Variants in NOTCH2NLB observed in about 807,000 individuals in gnomAD.
NOTCH2NLB encodes the protein notch 2 N-terminal like B.
In NOTCH2NLB, 1 loss-of-function variant was observed where a neutral mutation model predicts 14.8. That is an observed-to-expected ratio of 0.07 (90% CI 0.02 to 0.32). The LOEUF (loss-of-function observed/expected upper bound fraction) is 0.32, where lower values mean the gene tolerates loss of function less well. NOTCH2NLB is among the 10% of genes least tolerant of loss of function. NOTCH2NLB has a pLI of 1.00. For missense variants in NOTCH2NLB, 11 were observed against 155.0 expected (o/e 0.07, Z 4.93); for synonymous variants, 6 against 57.5 (o/e 0.10, Z 4.05).
chr1:148,602,532 GAAATA>G (rs1414838167), downstream of NOTCH2NLB, among the ~76,000 whole-genome samples: 19 of 147,878 alleles, frequency 1.3e-4, no homozygotes, highest in Non-Finnish European at 2.3e-4. Context: ...AGAAGTCACA[GAAATA>G]AATAGGAGGA....
chr1:148,623,896 C>T (rs1314819080), intron 2 of NOTCH2NLB, among the ~76,000 whole-genome samples: 2 of 79,702 alleles, frequency 2.5e-5, no homozygotes, highest in Admixed American at 2.2e-4. Flanking sequence ...CCACAAAATC[C>T]ATCTCTACTC....
chr1:148,700,884 C>T, the NOTCH2NLB span, among the ~76,000 whole-genome samples: 2 of 55,622 alleles, frequency 3.6e-5, no homozygotes, highest in African/African-American at 1.3e-4. Flanking sequence ...AATTAGATCC[C>T]ATTTGTCAAT....
chr1:148,673,880 C>CTA (rs1379290101), intron 1 of NOTCH2NLB, among the ~76,000 whole-genome samples: 1 of 100,138 alleles, frequency 1.0e-5, no homozygotes, highest in African/African-American at 3.3e-5. Context: ...AATCACCTGG[C>CTA]TATTTCTTGA....
the NOTCH2NLB span, among the ~76,000 whole-genome samples, chr1:148,691,907 G>A: frequency 7.0e-4 from 63 of 90,070 alleles, 12 homozygotes; most frequent in African/African-American, 3.0e-3. Flanking sequence ...TTGCCTTCCA[G>A]CATGAATGTA....
At chr1:148,670,555 T>TATATATAC (rs1664753943) in intron 1 of NOTCH2NLB, among the ~76,000 whole-genome samples, 2 of 127,146 alleles carry the variant, frequency 1.6e-5, no homozygotes, top group African/African-American at 5.8e-5. Flanking sequence ...TATATATACA[T>TATATATAC]ATATATATAT....
chr1:148,693,136 C>G, the NOTCH2NLB span, among the ~76,000 whole-genome samples: 1 of 131,796 alleles, frequency 7.6e-6, no homozygotes, highest in East Asian at 2.5e-4. Flanking sequence ...CTTCCTTAGT[C>G]TTACCCCTGC....
chr1:148,601,345 A>C, the NOTCH2NLB span, among the ~76,000 whole-genome samples: 2 of 148,222 alleles, frequency 1.3e-5, no homozygotes, highest in East Asian at 4.2e-4. Flanking sequence ...AGTAGGGGAA[A>C]GGCTATATGA....
chr1:148,670,571 T>A (rs1664755921), intron 1 of NOTCH2NLB, among the ~76,000 whole-genome samples: 2 of 138,470 alleles, frequency 1.4e-5, no homozygotes, highest in South Asian at 4.7e-4. Context: ...TATATATATA[T>A]ATATATAAAT....
downstream of NOTCH2NLB, among the ~76,000 whole-genome samples, chr1:148,604,908 C>G (rs1317945133): frequency 3.6e-5 from 5 of 139,256 alleles, no homozygotes; most frequent in African/African-American, 1.4e-4. Flanking sequence ...AAAGCAAGAA[C>G]TAGTCTATGT....
At chr1:148,632,960 T>C (rs1398453264) in intron 2 of NOTCH2NLB, among the ~76,000 whole-genome samples, 2 of 119,986 alleles carry the variant, frequency 1.7e-5, no homozygotes, top group Admixed American at 7.8e-5. Context: ...TTCTCAGAAA[T>C]GCAGTATTCA....
At chr1:148,621,574 A>G (rs1350788904) in intron 2 of NOTCH2NLB, among the ~76,000 whole-genome samples, 7 of 127,218 alleles carry the variant, frequency 5.5e-5, no homozygotes, top group Non-Finnish European at 9.8e-5. Context: ...TGGAAATACT[A>G]AAGTCTACTA....
intron 1 of NOTCH2NLB, among the ~76,000 whole-genome samples, chr1:148,670,539 A>AAAAAT (rs1445301786): frequency 2.1e-5 from 2 of 93,462 alleles, no homozygotes; most frequent in African/African-American, 8.6e-5. Context: ...TAAAAAAAAA[A>AAAAAT]ATATATATAT....
chr1:148,673,703 G>A (rs1319340076), intron 1 of NOTCH2NLB, among the ~76,000 whole-genome samples: 10 of 151,492 alleles, frequency 6.6e-5, no homozygotes, highest in African/African-American at 2.4e-4. Flanking sequence ...TTTCTTCTCT[G>A]TACTAAGTGG....
Position 148,637,215 on chromosome 1 carries a change from C to T in NOTCH2NLB, c.77+2801G>A, listed in dbSNP as rs1438268652. Among the ~76,000 whole-genome samples, 6 of 144,224 alleles carry T rather than the reference C, an allele frequency of 4.2e-5. 1 individual carries two copies. The highest frequency in any genetic ancestry group is 1.6e-4 in the African/African-American group (6 of 38,230). 94.6% of individuals were successfully genotyped at this position (144,224 alleles called of 152,430 possible). The stretch of plus-strand genomic sequence containing the variant: ...TCCTGAGTAACTGGGATTACAGGTG[C>T]GTGCCACCACGCCCAGCTAATTTTT... On this transcript the variant is annotated intron_variant, in intron 2 of 4. Transcript: ENST00000593495.
intron 1 of NOTCH2NLB, among the ~76,000 whole-genome samples, chr1:148,670,371 T>C (rs1421280423): frequency 1.4e-5 from 2 of 145,164 alleles, no homozygotes. Flanking sequence ...CCACTGATGA[T>C]ATGAAAAAAC....
At position 148,679,360 on chromosome 1, in the gene NOTCH2NLB, C is replaced by T. The variant is rs1340435465; in HGVS notation, c.3+102G>A. On this transcript the variant is annotated intron_variant, in intron 1 of 4. Coordinates refer to ENST00000593495, the Ensembl canonical transcript of NOTCH2NLB. Reference sequence around the variant, plus strand: ...AGTGGCCTCGCTCCGCGCCGGCGGCCGAGCCTGGCCTTCCCACACAGAGAA... The same window carrying T: ...AGTGGCCTCGCTCCGCGCCGGCGGCTGAGCCTGGCCTTCCCACACAGAGAA... 2,980 of 583,330 alleles carry T rather than the reference C, an allele frequency of 5.1e-3. 465 individuals are homozygous for T. The highest frequency in any genetic ancestry group is 0.042 in the Middle Eastern group (92 of 2,184). The allele number at this position is 583,330 out of a possible 1,614,324, so 36.1% of individuals were successfully genotyped here.
the NOTCH2NLB span, among the ~76,000 whole-genome samples, chr1:148,684,943 T>G: frequency 7.1e-6 from 1 of 140,320 alleles, no homozygotes; most frequent in African/African-American, 2.6e-5. Flanking sequence ...AAAAAAAAAC[T>G]TACCTAGAAA....
chr1:148,610,985 G>A (rs1175347854), intron 3 of NOTCH2NLB, among the ~76,000 whole-genome samples: 1 of 25,162 alleles, frequency 4.0e-5, no homozygotes, highest in East Asian at 1.3e-3. Context: ...TTTTAATTTG[G>A]GACCATTTCA....
the NOTCH2NLB span, among the ~76,000 whole-genome samples, chr1:148,689,293 G>GT: frequency 2.4e-4 from 27 of 110,820 alleles, no homozygotes; most frequent in African/African-American, 3.8e-4. Flanking sequence ...GTTTTGTTTT[G>GT]TTTTTTTTAA....
Sources: gnomAD v4.1 joint callset for allele counts (sites outside exome capture counted in the v4.1 genomes callset) on GRCh38, gnomAD v4.1.1 for gene constraint, MANE v1.5 for transcripts, NCBI Gene and HGNC (gene_info 2026-07-23, HGNC 2026-07-21) for gene names.